Variants in NUDT3 observed in about 807,000 individuals in gnomAD.
NUDT3 encodes the protein diphosphoinositol polyphosphate phosphohydrolase 1.
In NUDT3, 9 loss-of-function variants were observed where a neutral mutation model predicts 23.6. The observed-to-expected ratio is 0.38, with a 90% CI of 0.23 to 0.66. The LOEUF (loss-of-function observed/expected upper bound fraction) is 0.66, where lower values mean the gene tolerates loss of function less well. NUDT3 is among the 30% of genes least tolerant of loss of function. NUDT3 has a pLI of 0.52. For synonymous variants in NUDT3, 86 were observed against 82.6 expected (o/e 1.04, Z -0.22); for missense variants, 172 against 218.5 (o/e 0.79, Z 1.34).
At position 34,323,910 on chromosome 6, in the gene NUDT3, G is replaced by A. The variant is rs180876135; in HGVS notation, c.210+17952C>T. 1.2e-3 allele frequency among the ~76,000 whole-genome samples: 177 copies of A among 152,128 alleles called. 2 individuals are homozygous for A. Among genetic ancestry groups the A allele is most frequent in the East Asian group, 0.011 (55 of 5,182 alleles). ...TAGGGTAATATATAATCTTCTTTGC[G>A]CTGTCTTTTCATTCTACTAGGAACA... On this transcript the variant is annotated intron_variant, in intron 2 of 4. Transcript: ENST00000607016.
intron 2 of NUDT3, among the ~76,000 whole-genome samples, chr6:34,297,732 TATA>T (rs1363319773): frequency 4.0e-4 from 11 of 27,756 alleles, no homozygotes; most frequent in Non-Finnish European, 5.1e-4. Context: ...AAAAAAAAAA[TATA>T]TATATATATA....
chr6:34,354,078 C>G (rs993782507), intron 1 of NUDT3, among the ~76,000 whole-genome samples: 3 of 151,220 alleles, frequency 2.0e-5, no homozygotes, highest in Non-Finnish European at 4.4e-5. Context: ...CCATCAAGCC[C>G]GGCTAATTTT....
At chr6:34,310,156 C>T (rs1763749161) in intron 2 of NUDT3, among the ~76,000 whole-genome samples, 2 of 151,952 alleles carry the variant, frequency 1.3e-5, no homozygotes, top group South Asian at 2.1e-4. Context: ...CTGCTTGGGC[C>T]CAGGAGTTTG....
chr6:34,332,916 C>T (rs928996060), intron 2 of NUDT3, among the ~76,000 whole-genome samples: 4 of 152,126 alleles, frequency 2.6e-5, no homozygotes, highest in Admixed American at 1.3e-4. Flanking sequence ...CACAGCTTCC[C>T]TTTTTTCCCC....
chr6:34,357,563 G>C (rs1368898370), intron 1 of NUDT3, among the ~76,000 whole-genome samples: 1 of 151,120 alleles, frequency 6.6e-6, no homozygotes, highest in African/African-American at 2.4e-5. Flanking sequence ...GCAATGAGCC[G>C]TGATCATCCC....
chr6:34,362,598 G>A lies in NUDT3; in HGVS notation c.100-20626C>T, dbSNP rs149619635. Reference sequence around the variant, plus strand: ...TCCTGCCTCAGCCTCCTGAGTAGCTGGGGCCTGCCACCATGCCCAGCTAAT... The same window carrying A: ...TCCTGCCTCAGCCTCCTGAGTAGCTAGGGCCTGCCACCATGCCCAGCTAAT... On this transcript the variant is annotated intron_variant, in intron 1 of 4. Coordinates refer to ENST00000607016, the MANE Select transcript of NUDT3 (RefSeq NM_006703.4). Among the ~76,000 whole-genome samples, 32 of 152,230 alleles carry A rather than the reference G, an allele frequency of 2.1e-4. 1 individual carries two copies. In the East Asian group the frequency reaches 5.6e-3, roughly 27 times the overall value.
intron 2 of NUDT3, among the ~76,000 whole-genome samples, chr6:34,327,077 T>C (rs146473587): frequency 8.6e-4 from 130 of 151,002 alleles, no homozygotes; most frequent in Non-Finnish European, 1.7e-3. Context: ...ATTTATTGTA[T>C]ACAAAACAAG....
At chr6:34,346,896 C>T (rs992227946) in intron 1 of NUDT3, among the ~76,000 whole-genome samples, 5 of 152,192 alleles carry the variant, frequency 3.3e-5, no homozygotes, top group African/African-American at 1.2e-4. Flanking sequence ...GCTGGGACTA[C>T]AGGCACACAC....
rs982449769 is a variant in NUDT3, at chr6:34,281,747, C to T, written c.*7006G>A. ...GATGGAAATGAAAGAGTGAGATTCT[C>T]AGAGGCTAAACAACATTCTGGGAGC... is the stretch of plus-strand genomic sequence containing the variant. On this transcript the variant is annotated 3_prime_UTR_variant, in exon 5 of 5. Transcript: ENST00000607016. 4 of 152,202 alleles carry T rather than the reference C, an allele frequency of 2.6e-5. No individual in the cohort carries two copies. The East Asian group carries it at 5.8e-4, about 22-fold the overall frequency. The allele number at this position is 152,202 out of a possible 1,614,324, so 9.4% of individuals were successfully genotyped here.
chr6:34,293,515 C>A lies in NUDT3; in HGVS notation c.276G>T (p.Arg92Ser), dbSNP rs758187807. Residue 92 changes from arginine (R) to serine (S), a missense_variant, in exon 4 of 5, where the codon AGG becomes AGT. Around this residue, in one of 3 missense-constraint regions of NUDT3, gnomAD observed 59 missense variants for 107.4 expected, o/e 0.55. Coordinates refer to ENST00000607016, the MANE Select transcript of NUDT3 (RefSeq NM_006703.4). ...TGACAATGAGCACATAGACATACGT[C>A]CTGTGCTTCCTCTCCTGGTTCTGAA... ...GIFENQERKHRTYVYVLIVTE... is the reference protein window; with the variant it reads ...GIFENQERKHSTYVYVLIVTE... The A allele has an allele frequency of 6.2e-7, 1 of 1,614,150 alleles. No individual in the cohort carries two copies. Among genetic ancestry groups the A allele is most frequent in the South Asian group, 1.1e-5 (1 of 91,076 alleles).
In NUDT3 at chr6:34,331,006, T is replaced by C. The variant is rs1027841548; in HGVS notation, c.210+10856A>G. Among the ~76,000 whole-genome samples, 7 of 152,212 alleles carry C rather than the reference T, an allele frequency of 4.6e-5. No homozygotes were observed. The South Asian group carries it at 1.5e-3, about 32-fold the overall frequency. On this transcript the variant is annotated intron_variant, in intron 2 of 4. Coordinates refer to ENST00000607016, the MANE Select transcript of NUDT3 (RefSeq NM_006703.4). ...AGTAGCTGGGACTACAGGCACATGC[T>C]ACCACGCCCAGCTAATTTTTGTACT...
chr6:34,297,842 G>GC (rs1435735399), intron 2 of NUDT3, among the ~76,000 whole-genome samples: 28 of 140,126 alleles, frequency 2.0e-4, no homozygotes, highest in African/African-American at 7.4e-4. Flanking sequence ...TGATCTGCCC[G>GC]CCTCAGCCTC....
At chr6:34,320,413 A>T (rs1477027250) in intron 2 of NUDT3, among the ~76,000 whole-genome samples, 1 of 152,050 alleles carries the variant, frequency 6.6e-6, no homozygotes, top group Non-Finnish European at 1.5e-5. Flanking sequence ...TTTTAGAGAT[A>T]GGGTTTCACC....
chr6:34,392,021 C>T (rs1324239714), intron 1 of NUDT3, among the ~76,000 whole-genome samples: 1 of 152,212 alleles, frequency 6.6e-6, no homozygotes, highest in Non-Finnish European at 1.5e-5. Flanking sequence ...AGCGCTCCGG[C>T]CACAAGCCGG....
intron 1 of NUDT3, among the ~76,000 whole-genome samples, chr6:34,386,296 C>T (rs115447786): frequency 0.024 from 3,586 of 152,290 alleles, 63 homozygotes; most frequent in Non-Finnish European, 0.037. Flanking sequence ...ACAATCAGTA[C>T]AACTTTTTAA....
chr6:34,329,675 A>C (rs1247158676), intron 2 of NUDT3, among the ~76,000 whole-genome samples: 2 of 152,126 alleles, frequency 1.3e-5, no homozygotes, highest in Non-Finnish European at 2.9e-5. Context: ...ATTATACTTT[A>C]AGTTCTAGGG....
At chr6:34,368,297 T>TC (rs567798486) in intron 1 of NUDT3, among the ~76,000 whole-genome samples, 7 of 152,316 alleles carry the variant, frequency 4.6e-5, no homozygotes, top group Non-Finnish European at 8.8e-5. Context: ...GCTGCTTTTT[T>TC]CCTCTCCTTC....
At chr6:34,336,549 T>C (rs1764211674) in intron 2 of NUDT3, among the ~76,000 whole-genome samples, 1 of 152,234 alleles carries the variant, frequency 6.6e-6, no homozygotes, top group African/African-American at 2.4e-5. Flanking sequence ...TCCTTTGCTG[T>C]GCGGAAGGTT....
chr6:34,373,278 C>CAAA (rs55952536), intron 1 of NUDT3, among the ~76,000 whole-genome samples: 6 of 87,050 alleles, frequency 6.9e-5, no homozygotes, highest in Admixed American at 3.6e-4. Flanking sequence ...GACTCCGTCT[C>CAAA]AAAAAAAAAA....
Sources: allele counts gnomAD v4.1 joint callset (sites outside exome capture counted in the v4.1 genomes callset), GRCh38; gene constraint gnomAD v4.1.1; regional missense constraint gnomAD v4.1.1; transcripts MANE v1.5; gene names NCBI Gene and HGNC (gene_info 2026-07-23, HGNC 2026-07-21).